Variants in PFKFB3 observed in about 807,000 individuals in gnomAD.
PFKFB3 encodes 6-phosphofructo-2-kinase/fructose-2,6-bisphosphatase 3.
In PFKFB3, 33 loss-of-function variants were observed where a neutral mutation model predicts 68.0. That is an observed-to-expected ratio of 0.49 (90% CI 0.37 to 0.65). PFKFB3 has a LOEUF of 0.65. Among genes scored for constraint, PFKFB3 ranks in the 30% least tolerant of loss-of-function variants. The probability of loss-of-function intolerance (pLI) is 0.00; values close to 1 mark genes in which losing one functional copy is unlikely to be tolerated. For missense variants in PFKFB3, 586 were observed against 712.2 expected (o/e 0.82, Z 2.02); for synonymous variants, 315 against 288.2 (o/e 1.09, Z -0.94).
In PFKFB3 at chr10:6,232,487, C is replaced by T. The variant is rs140526567; in HGVS notation, c.1516-408C>T. On this transcript the variant is annotated intron_variant, in intron 14 of 14. Coordinates refer to ENST00000379775, the MANE Select transcript of PFKFB3 (RefSeq NM_004566.4). ...AGTGTGGCTCTGTTTTGAGCTGAGTCGAGAGGAGGGGCCCTGTGTGTCCTT... is the reference window on the plus strand; with the variant it reads ...AGTGTGGCTCTGTTTTGAGCTGAGTTGAGAGGAGGGGCCCTGTGTGTCCTT... 1.3e-3 allele frequency among the ~76,000 whole-genome samples: 195 copies of T among 152,088 alleles called. No individual in the cohort carries two copies. In the Middle Eastern group the frequency reaches 0.024, roughly 19 times the overall value.
chr10:6,176,275 C>T (rs1189758697), intron 1 of PFKFB3, among the ~76,000 whole-genome samples: 3 of 151,916 alleles, frequency 2.0e-5, no homozygotes, highest in South Asian at 2.1e-4. Context: ...ACATGGGTTC[C>T]CTTGAGGTGG....
the PFKFB3 span, chr10:6,326,395 T>C: frequency 2.7e-6 from 1 of 373,620 alleles, no homozygotes. Context: ...TGGCACACGT[T>C]TACCTATGTA....
At chr10:6,207,212 G>C (rs545295182) in intron 1 of PFKFB3, among the ~76,000 whole-genome samples, 1 of 152,334 alleles carries the variant, frequency 6.6e-6, no homozygotes, top group Admixed American at 6.5e-5. Context: ...GAGGCTGGCG[G>C]ATCACTCGCG....
chr10:6,256,438 G>A (rs940054470), downstream of PFKFB3, among the ~76,000 whole-genome samples: 24 of 152,320 alleles, frequency 1.6e-4, no homozygotes, highest in African/African-American at 5.1e-4. Context: ...AGTACCCGGA[G>A]GGGACGAGGC....
intron 1 of PFKFB3, among the ~76,000 whole-genome samples, chr10:6,168,234 C>T (rs1226072240): frequency 6.6e-6 from 1 of 152,180 alleles, no homozygotes; most frequent in Non-Finnish European, 1.5e-5. Flanking sequence ...TGGAATCCTC[C>T]ACTTTGCTCC....
the PFKFB3 span, among the ~76,000 whole-genome samples, chr10:6,287,085 TTTTTGTTTTG>T: frequency 2.0e-5 from 3 of 151,998 alleles, no homozygotes; most frequent in East Asian, 3.9e-4. Flanking sequence ...TAATACTGTT[TTTTTGTTTTG>T]TTTTGTTTTG....
the PFKFB3 span, among the ~76,000 whole-genome samples, chr10:6,313,026 G>T: frequency 6.6e-6 from 1 of 152,206 alleles, no homozygotes; most frequent in Non-Finnish European, 1.5e-5. The surrounding 1 kb of genome is among the most constrained non-coding windows in gnomAD (Gnocchi z 4.2). Context: ...TGTATGAACT[G>T]GGGGGTAGAA....
intron 1 of PFKFB3, among the ~76,000 whole-genome samples, chr10:6,153,619 C>T (rs1038256819): frequency 2.6e-5 from 4 of 152,048 alleles, no homozygotes; most frequent in Non-Finnish European, 4.4e-5. Flanking sequence ...TTTGGGAGGC[C>T]GAGGCAGGCG....
chr10:6,302,405 G>A, the PFKFB3 span, among the ~76,000 whole-genome samples: 33 of 77,528 alleles, frequency 4.3e-4, no homozygotes, highest in African/African-American at 1.5e-3. Flanking sequence ...TTTTTGAGAC[G>A]GAGTCTTGTT....
At chr10:6,235,840 C>T (rs1219009749), downstream of PFKFB3, among the ~76,000 whole-genome samples, 1 of 149,858 alleles carries the variant, frequency 6.7e-6, no homozygotes, top group African/African-American at 2.5e-5. Context: ...GATCTCAGCT[C>T]ACTGCAACCT....
At chr10:6,316,560 C>A in the PFKFB3 span, among the ~76,000 whole-genome samples, 2 of 152,062 alleles carry the variant, frequency 1.3e-5, no homozygotes, top group African/African-American at 4.8e-5. Flanking sequence ...CTCACTGCAA[C>A]CTCTGCCTCC....
At chr10:6,170,325 T>A (rs370115287) in intron 1 of PFKFB3, among the ~76,000 whole-genome samples, 1 of 152,200 alleles carries the variant, frequency 6.6e-6, no homozygotes. Flanking sequence ...GCTTCAACAT[T>A]AAAGAAACCC....
rs1327884533 is a variant in PFKFB3 at position 6,203,247 on chromosome 10, G to A, written c.-14G>A. 4 of 1,606,144 alleles carry A rather than the reference G, an allele frequency of 2.5e-6. No individual in the cohort carries two copies. Among genetic ancestry groups the A allele is most frequent in the East Asian group, 4.5e-5 (2 of 44,470 alleles). Reference sequence around the variant, plus strand: ...TCGGCCCCGGGAGGCGGGCCGTCGGGCGCAGCCGCGAAGATGCCGTTGGAA... The same window carrying A: ...TCGGCCCCGGGAGGCGGGCCGTCGGACGCAGCCGCGAAGATGCCGTTGGAA... On this transcript the variant is annotated 5_prime_UTR_variant, in exon 1 of 15. Transcript: ENST00000379775.
downstream of PFKFB3, among the ~76,000 whole-genome samples, chr10:6,255,691 G>A (rs1048442823): frequency 1.3e-5 from 2 of 152,148 alleles, no homozygotes; most frequent in African/African-American, 4.8e-5. Context: ...GCTGTGTGAA[G>A]GTGTGAGCGG....
rs369595548 is a variant in PFKFB3 at position 6,168,498 on chromosome 10, G to A, written c.16+23485G>A. Reference sequence around the variant, plus strand: ...CTTATGCAGTTGTGAGGATTAACACGAGCAGCTAAGCACAAAAGGCTTCTA... The same window carrying A: ...CTTATGCAGTTGTGAGGATTAACACAAGCAGCTAAGCACAAAAGGCTTCTA... On this transcript the variant is annotated intron_variant, in intron 1 of 14. Coordinates refer to the PFKFB3 transcript ENST00000379789. 7.2e-5 allele frequency among the ~76,000 whole-genome samples: 11 copies of A among 152,304 alleles called. No homozygotes were observed. In the East Asian group the frequency reaches 7.7e-4, roughly 11 times the overall value.
At chr10:6,232,304 C>G (rs1845798397) in intron 14 of PFKFB3, among the ~76,000 whole-genome samples, 1 of 152,082 alleles carries the variant, frequency 6.6e-6, no homozygotes, top group South Asian at 2.1e-4. Flanking sequence ...GTGGAACTCC[C>G]TGCGAGGGCC....
At chr10:6,180,702 C>T (rs1467891837) in intron 1 of PFKFB3, among the ~76,000 whole-genome samples, 2 of 152,126 alleles carry the variant, frequency 1.3e-5, no homozygotes, top group Admixed American at 6.5e-5. Context: ...TGGCCTCAAG[C>T]AGTCCTCTCA....
rs372499415 is a variant in PFKFB3 at position 6,221,700 on chromosome 10, G to A, written c.1038G>A (p.Ala346=). ...EIRDTYPEEY[A]LREQDKYYYR... is the part of the protein sequence containing the mutation. The stretch of plus-strand genomic sequence containing the variant: ...GGGACACCTACCCTGAGGAGTATGC[G>A]CTGCGGGAGCAGGACAAGTACTATT... Residue 346 remains alanine, a synonymous_variant, in exon 10 of 15, where the codon GCG becomes GCA. Transcript: ENST00000379775. 3.2e-5 allele frequency: 52 copies of A among 1,609,556 alleles called. No homozygotes were observed. The highest frequency in any genetic ancestry group is 1.6e-4 in the South Asian group (14 of 90,106).
rs1845593001 is a variant in PFKFB3, at chr10:6,229,507, TA to T, written c.1515+3143del. Among the ~76,000 whole-genome samples, 1 of 152,162 alleles carries T rather than the reference TA, an allele frequency of 6.6e-6. No homozygotes were observed. The highest frequency in any genetic ancestry group is 1.5e-5 in the Non-Finnish European group (1 of 68,016). Reference sequence around the variant, plus strand: ...CATGGGCAGCTGTTGGACCCTCGTGTACCCCCACAGCCACCCCCTTGCAGCT... The same window carrying T: ...CATGGGCAGCTGTTGGACCCTCGTGTCCCCCACAGCCACCCCCTTGCAGCT... On this transcript the variant is annotated intron_variant, in intron 14 of 14. Coordinates refer to ENST00000379775, the MANE Select transcript of PFKFB3 (RefSeq NM_004566.4). The surrounding 1 kb of genome is among the most constrained non-coding windows in gnomAD (Gnocchi z 4.3).
Sources: gnomAD v4.1 joint callset for allele counts (sites outside exome capture counted in the v4.1 genomes callset) on GRCh38, gnomAD v4.1.1 for gene constraint, Gnocchi (gnomAD v3.1) non-coding constraint, MANE v1.5 for transcripts, NCBI Gene and HGNC (gene_info 2026-07-23, HGNC 2026-07-21) for gene names.